GRID2: variants seen among roughly 807,000 people sequenced by gnomAD.
GRID2 encodes the protein glutamate receptor ionotropic, delta-2.
A neutral mutation model predicts 114.8 loss-of-function variants in GRID2; 33 were observed. That is an observed-to-expected ratio of 0.29 (90% CI 0.22 to 0.38). The LOEUF is 0.38. GRID2 is among the 10% of genes least tolerant of loss of function. The pLI, the probability that GRID2 is intolerant of heterozygous loss-of-function variation, is 1.00. For synonymous variants in GRID2, 505 were observed against 449.9 expected (o/e 1.12, Z -1.55); for missense variants, 1,184 against 1,257.7 (o/e 0.94, Z 0.89).
intron 7 of GRID2, among the ~76,000 whole-genome samples, chr4:93,226,204 A>G (rs1745466811): frequency 6.6e-6 from 1 of 152,154 alleles, no homozygotes; most frequent in Admixed American, 6.6e-5. Flanking sequence ...AAAAGTTTTA[A>G]CTTGTTTCAG....
chr4:92,699,300 TATTA>T lies in GRID2; in HGVS notation c.244+109018_244+109021del, dbSNP rs1278894809. On this transcript the variant is annotated intron_variant, in intron 2 of 15. Transcript: ENST00000282020. ...AAATAAACTGATAATGCTATAATGA[TATTA>T]ATTTTAAATATTCCAGTACATTTCC... 2.6e-5 allele frequency among the ~76,000 whole-genome samples: 4 copies of T among 152,280 alleles called. No homozygotes were observed. In the South Asian group the frequency reaches 8.3e-4, roughly 32 times the overall value.
intron 2 of GRID2, among the ~76,000 whole-genome samples, chr4:93,063,252 T>G (rs1727965450): frequency 2.6e-5 from 4 of 151,896 alleles, no homozygotes; most frequent in Non-Finnish European, 5.9e-5. Context: ...CTAAGAGGTG[T>G]GCATGTTTTC....
intron 2 of GRID2, among the ~76,000 whole-genome samples, chr4:92,996,505 A>G (rs1316925711): frequency 6.6e-6 from 1 of 152,128 alleles, no homozygotes; most frequent in Non-Finnish European, 1.5e-5. Context: ...GGTCTGTAAC[A>G]TGGGGAAACA....
chr4:92,529,755 C>T (rs774017143), intron 1 of GRID2, among the ~76,000 whole-genome samples: 14 of 152,130 alleles, frequency 9.2e-5, no homozygotes, highest in Non-Finnish European at 2.1e-4. Context: ...GCACTTAGGA[C>T]CATCTCTTCA....
intron 4 of GRID2, among the ~76,000 whole-genome samples, chr4:93,146,581 C>T (rs1008176655): frequency 4.6e-5 from 7 of 150,542 alleles, no homozygotes; most frequent in African/African-American, 1.7e-4. Flanking sequence ...TGTGTGAGTG[C>T]ACTTGCATGT....
At chr4:92,816,653 A>C (rs1197184031) in intron 2 of GRID2, among the ~76,000 whole-genome samples, 1 of 152,130 alleles carries the variant, frequency 6.6e-6, no homozygotes, top group Non-Finnish European at 1.5e-5. Context: ...CTACTAAAAG[A>C]GTTCTGGCAT....
At chr4:92,426,949 T>A (rs1330435658) in intron 1 of GRID2, among the ~76,000 whole-genome samples, 1 of 152,136 alleles carries the variant, frequency 6.6e-6, no homozygotes, top group Non-Finnish European at 1.5e-5. Flanking sequence ...CATACCTATG[T>A]GTGTTAGTGT....
At chr4:92,953,998 A>G (rs1421068024) in intron 2 of GRID2, among the ~76,000 whole-genome samples, 2 of 152,130 alleles carry the variant, frequency 1.3e-5, no homozygotes, top group African/African-American at 4.8e-5. Context: ...ATCTCACTAG[A>G]AGATTACATT....
At chr4:93,574,407 C>T (rs1327172242) in intron 13 of GRID2, among the ~76,000 whole-genome samples, 1 of 152,088 alleles carries the variant, frequency 6.6e-6, no homozygotes, top group Non-Finnish European at 1.5e-5. Flanking sequence ...AGTCTGTTTT[C>T]ATACTACTGA....
intron 2 of GRID2, among the ~76,000 whole-genome samples, chr4:92,718,950 A>C (rs1735678912): frequency 2.0e-5 from 3 of 151,910 alleles, no homozygotes; most frequent in African/African-American, 7.3e-5. Flanking sequence ...CTTAGGATAA[A>C]TTTTGTGACC....
At chr4:93,697,842 G>T (rs2110130812) in intron 14 of GRID2, among the ~76,000 whole-genome samples, 1 of 78,628 alleles carries the variant, frequency 1.3e-5, no homozygotes, top group African/African-American at 4.9e-5. Context: ...ATGATAACTG[G>T]CTCAATTTAG....
intron 1 of GRID2, among the ~76,000 whole-genome samples, chr4:92,533,034 A>G (rs191582890): frequency 2.9e-3 from 436 of 152,226 alleles, no homozygotes; most frequent in Non-Finnish European, 5.1e-3. Flanking sequence ...TGAATGTACC[A>G]CTGCACTCCA....
intron 8 of GRID2, among the ~76,000 whole-genome samples, chr4:93,359,985 A>G (rs776699909): frequency 2.0e-4 from 29 of 145,864 alleles, no homozygotes; most frequent in South Asian, 4.3e-4. Flanking sequence ...TATAGGAATT[A>G]TCTGTTCCAT....
intron 14 of GRID2, among the ~76,000 whole-genome samples, chr4:93,747,382 C>T (rs151199136): frequency 6.6e-6 from 1 of 152,190 alleles, no homozygotes; most frequent in East Asian, 1.9e-4. Flanking sequence ...CTTATCTCAG[C>T]CATAATGTTA....
intron 2 of GRID2, among the ~76,000 whole-genome samples, chr4:92,961,347 A>G (rs572770838): frequency 8.1e-5 from 12 of 147,370 alleles, no homozygotes; most frequent in Non-Finnish European, 1.5e-4. Context: ...GGTTTCTTGC[A>G]GGGAGGGTCT....
At chr4:93,147,980 G>A (rs1736410281) in intron 4 of GRID2, among the ~76,000 whole-genome samples, 1 of 152,190 alleles carries the variant, frequency 6.6e-6, no homozygotes, top group Non-Finnish European at 1.5e-5. Flanking sequence ...GTTCACTACA[G>A]GATGCATTAC....
At chr4:93,792,199 A>G (rs995050201) in intron 1 of GRID2, among the ~76,000 whole-genome samples, 1 of 152,202 alleles carries the variant, frequency 6.6e-6, no homozygotes, top group African/African-American at 2.4e-5. Flanking sequence ...AAATCATCAG[A>G]AAACAAAGAC....
At chr4:92,505,283 C>A (rs565464902) in intron 1 of GRID2, among the ~76,000 whole-genome samples, 1 of 151,978 alleles carries the variant, frequency 6.6e-6, no homozygotes, top group Non-Finnish European at 1.5e-5. Context: ...CTGTCCATAA[C>A]TTTTTATTTT....
chr4:92,760,454 CT>C (rs1737951447), intron 2 of GRID2, among the ~76,000 whole-genome samples: 1 of 152,050 alleles, frequency 6.6e-6, no homozygotes, highest in Non-Finnish European at 1.5e-5. Context: ...ACAGCCAGTG[CT>C]TGTGACATGG....
Sources: gnomAD v4.1 joint callset for allele counts (sites outside exome capture counted in the v4.1 genomes callset) on GRCh38, gnomAD v4.1.1 for gene constraint, MANE v1.5 for transcripts, NCBI Gene and HGNC (gene_info 2026-07-23, HGNC 2026-07-21) for gene names.